Variants in SAMD4A observed in about 807,000 individuals in gnomAD.
SAMD4A encodes sterile alpha motif domain containing 4A, also known as protein Smaug homolog 1.
In SAMD4A, 33 loss-of-function variants were observed where a neutral mutation model predicts 81.3. The ratio of observed to expected loss-of-function variants is 0.41; its 90% CI spans 0.31 to 0.54. The LOEUF is 0.54. Among genes scored for constraint, SAMD4A ranks in the 20% least tolerant of loss-of-function variants. SAMD4A has a pLI of 0.37. For missense variants in SAMD4A, 854 were observed against 951.1 expected, an observed-to-expected ratio of 0.90 and a Z score of 1.34; for synonymous variants, 389 against 382.1, an observed-to-expected ratio of 1.02 and a Z score of -0.21.
chr14:54,595,099 G>A (rs189190232), intron 2 of SAMD4A, among the ~76,000 whole-genome samples: 4 of 152,150 alleles, frequency 2.6e-5, no homozygotes, highest in East Asian at 1.9e-4. Flanking sequence ...TTGGTGTGTC[G>A]CAAATGCTTT....
At chr14:54,622,166 T>C (rs2034633524) in intron 2 of SAMD4A, among the ~76,000 whole-genome samples, 1 of 152,348 alleles carries the variant, frequency 6.6e-6, no homozygotes, top group South Asian at 2.1e-4. Flanking sequence ...GCATTTTTCT[T>C]TATATTAATG....
rs2038349576 is a variant in SAMD4A, at chr14:54,760,054, C to G, written c.1177-107C>G. On this transcript the variant is annotated intron_variant, in intron 6 of 12. Coordinates refer to ENST00000554335, the MANE Select transcript of SAMD4A (RefSeq NM_015589.6). ...CCCAAAAACGTCCTGATGAGGGTAC[C>G]AGCAGCCACGAATCCTGTAAGAGCT... 3 of 1,160,020 alleles carry G rather than the reference C, an allele frequency of 2.6e-6. No individual in the cohort carries two copies. In the African/African-American group the frequency reaches 4.9e-5, roughly 19 times the overall value. 71.9% of individuals were successfully genotyped at this position (1,160,020 alleles called of 1,614,324 possible).
chr14:54,720,084 G>T (rs988789520), intron 3 of SAMD4A, among the ~76,000 whole-genome samples: 1 of 151,752 alleles, frequency 6.6e-6, no homozygotes, highest in African/African-American at 2.4e-5. Context: ...TAATCTTTCT[G>T]TTCTACTCAC....
intron 2 of SAMD4A, among the ~76,000 whole-genome samples, chr14:54,676,471 A>G (rs2035996573): frequency 6.6e-6 from 1 of 151,972 alleles, no homozygotes; most frequent in South Asian, 2.1e-4. Flanking sequence ...CCGCCTCCCA[A>G]GTTCAAGCGA....
intron 3 of SAMD4A, among the ~76,000 whole-genome samples, chr14:54,706,164 A>G (rs1291123739): frequency 2.6e-5 from 4 of 151,978 alleles, no homozygotes; most frequent in East Asian, 1.9e-4. Context: ...TCTGAACAAC[A>G]TAGCTAGACC....
At chr14:54,685,457 G>A (rs1184909882) in intron 2 of SAMD4A, among the ~76,000 whole-genome samples, 1 of 152,182 alleles carries the variant, frequency 6.6e-6, no homozygotes, top group Non-Finnish European at 1.5e-5. Flanking sequence ...AGGCTGAAGA[G>A]GATTCCATTG....
intron 3 of SAMD4A, among the ~76,000 whole-genome samples, chr14:54,710,488 T>A (rs2036961635): frequency 6.6e-6 from 1 of 152,148 alleles, no homozygotes; most frequent in Non-Finnish European, 1.5e-5. Flanking sequence ...TACTAAGTAG[T>A]TCAGCTGGGA....
intron 3 of SAMD4A, among the ~76,000 whole-genome samples, chr14:54,728,097 C>T (rs1036107462): frequency 1.3e-5 from 2 of 152,152 alleles, no homozygotes; most frequent in African/African-American, 4.8e-5. Context: ...CCAGGAACCT[C>T]GAGCTTGCTG....
At chr14:54,719,218 T>A (rs1002343241) in intron 3 of SAMD4A, among the ~76,000 whole-genome samples, 5 of 152,010 alleles carry the variant, frequency 3.3e-5, no homozygotes, top group African/African-American at 1.2e-4. Context: ...ATCTTCAACT[T>A]AAAGAACCCC....
chr14:54,624,504 A>G (rs1442159322), intron 2 of SAMD4A, among the ~76,000 whole-genome samples: 1 of 152,222 alleles, frequency 6.6e-6, no homozygotes, highest in African/African-American at 2.4e-5. Flanking sequence ...AGCTATTTCA[A>G]TGCTAGCGGG....
intron 2 of SAMD4A, among the ~76,000 whole-genome samples, chr14:54,575,324 G>A (rs1462619508): frequency 1.3e-5 from 2 of 152,188 alleles, no homozygotes; most frequent in African/African-American, 4.8e-5. Context: ...GCAGTAACCT[G>A]TTAGAGCCCT....
intron 2 of SAMD4A, among the ~76,000 whole-genome samples, chr14:54,680,081 T>TC (rs1055800444): frequency 1.5e-4 from 23 of 152,254 alleles, no homozygotes; most frequent in African/African-American, 5.3e-4. Flanking sequence ...CATGCCCAAT[T>TC]CCCCCCACCA....
At position 54,775,113 on chromosome 14, in the gene SAMD4A, C is replaced by T. The variant is rs368561516; in HGVS notation, c.1895C>T (p.Thr632Ile). The T allele has an allele frequency of 2.2e-5, 35 of 1,614,090 alleles. No individual in the cohort carries two copies. The highest frequency in any genetic ancestry group is 4.2e-6 in the Non-Finnish European group (5 of 1,180,050). ...SNQRNTTATP[T>I]IMKQGRQNLW... is the part of the protein sequence containing the mutation. ...CAGCGCAACACCACAGCTACCCCCA[C>T]CATCATGAAACAAGGAAGACAGGTT... The change falls in exon 10 of 13, where the codon ACC becomes ATC. Residue 632 changes from threonine (T) to isoleucine (I), a missense_variant. Around this residue, in one of 3 missense-constraint regions of SAMD4A, gnomAD observed 428 missense variants for 471.2 expected, o/e 0.91. Transcript: ENST00000554335.
At chr14:54,666,247 C>A (rs2035754329) in intron 2 of SAMD4A, among the ~76,000 whole-genome samples, 1 of 152,176 alleles carries the variant, frequency 6.6e-6, no homozygotes, top group South Asian at 2.1e-4. Context: ...CTGGATATAG[C>A]AAAGCTACAT....
intron 10 of SAMD4A, 106 bp from the exon 11 acceptor site, chr14:54,776,308 G>T: frequency 1.6e-6 from 2 of 1,234,444 alleles, no homozygotes. Context: ...TTTTCTAGAA[G>T]TTAGAGTTCT....
At chr14:54,605,793 C>CTATA (rs147402380) in intron 2 of SAMD4A, among the ~76,000 whole-genome samples, 15 of 149,354 alleles carry the variant, frequency 1.0e-4, no homozygotes, top group Admixed American at 1.3e-4. Flanking sequence ...TTAAACATGC[C>CTATA]TATATATATA....
At chr14:54,596,306 C>T (rs1282348121) in intron 2 of SAMD4A, among the ~76,000 whole-genome samples, 3 of 152,122 alleles carry the variant, frequency 2.0e-5, no homozygotes, top group African/African-American at 7.2e-5. Context: ...GGAAAGGGGC[C>T]GGGCGCAGTG....
At chr14:54,567,064 T>G (rs1283402700), upstream of SAMD4A, 1 of 152,752 alleles carries the variant, frequency 6.5e-6, no homozygotes, top group Non-Finnish European at 1.5e-5. Context: ...AGGAAGGAAC[T>G]CGGGCTGCCG....
chr14:54,713,286 G>A (rs776145355), intron 3 of SAMD4A, among the ~76,000 whole-genome samples: 1 of 152,026 alleles, frequency 6.6e-6, no homozygotes, highest in Non-Finnish European at 1.5e-5. Flanking sequence ...TGTCAATCTA[G>A]GGTATATTTT....
Sources: gnomAD v4.1 joint callset for allele counts (sites outside exome capture counted in the v4.1 genomes callset) on GRCh38, gnomAD v4.1.1 for gene constraint, gnomAD v4.1.1 regional missense constraint, MANE v1.5 for transcripts, NCBI Gene and HGNC (gene_info 2026-07-23, HGNC 2026-07-21) for gene names.